TMEM132E: variants seen among roughly 807,000 people sequenced by gnomAD.
The protein encoded by TMEM132E is transmembrane protein 132E.
Under a neutral mutation model 78.5 loss-of-function variants are expected in TMEM132E, and 49 were observed. The observed-to-expected ratio is 0.62, with a 90% CI of 0.50 to 0.79. TMEM132E has a LOEUF of 0.79. TMEM132E is among the 30% of genes least tolerant of loss of function. The pLI, the probability that TMEM132E is intolerant of heterozygous loss-of-function variation, is 0.00. For missense variants in TMEM132E, 1,403 were observed against 1,470.9 expected, an observed-to-expected ratio of 0.95 and a Z score of 0.75; for synonymous variants, 715 against 670.6, an observed-to-expected ratio of 1.07 and a Z score of -1.02.
At chr17:34,598,515 G>A (rs1427903476) in intron 1 of TMEM132E, among the ~76,000 whole-genome samples, 1 of 151,940 alleles carries the variant, frequency 6.6e-6, no homozygotes, top group African/African-American at 2.4e-5. Flanking sequence ...AGAAATGCAG[G>A]CCCCAGGGAA....
intron 1 of TMEM132E, among the ~76,000 whole-genome samples, chr17:34,597,958 T>A (rs944929150): frequency 6.6e-6 from 1 of 152,204 alleles, no homozygotes; most frequent in Non-Finnish European, 1.5e-5. Flanking sequence ...TCAGTTTCCC[T>A]GTTTGAGATG....
In TMEM132E at chr17:34,637,977, C is replaced by T. The variant is rs766447365; in HGVS notation, c.2970C>T (p.Ser990=). ...QSQVHGRGDG[S]SGGSARDQAE... is the part of the protein sequence containing the mutation. ...AGGTGCACGGCAGGGGCGACGGCTC[C>T]TCGGGCGGCTCAGCCCGAGACCAAG... The change falls in exon 9 of 9, where the codon TCC becomes TCT. Residue 990 remains serine, a synonymous_variant. Transcript: ENST00000631683. 52 of 1,592,584 alleles carry T rather than the reference C, an allele frequency of 3.3e-5. No individual in the cohort carries two copies. Among genetic ancestry groups the T allele is most frequent in the South Asian group, 2.2e-5 (2 of 89,040 alleles).
intron 1 of TMEM132E, among the ~76,000 whole-genome samples, chr17:34,600,795 G>C (rs1277648317): frequency 6.6e-6 from 1 of 152,152 alleles, no homozygotes; most frequent in Non-Finnish European, 1.5e-5. Flanking sequence ...AGGTGTGCAA[G>C]AGCAACCCCA....
intron 1 of TMEM132E, among the ~76,000 whole-genome samples, chr17:34,613,211 A>ATGCGCGCGCGCG (rs1555563344): frequency 8.6e-6 from 1 of 115,856 alleles, no homozygotes; most frequent in Non-Finnish European, 1.8e-5. Flanking sequence ...ACACACACAC[A>ATGCGCGCGCGCG]CGCGCGCGCG....
At position 34,583,777 on chromosome 17, in the gene TMEM132E, G is replaced by A. The variant is rs542486045; in HGVS notation, c.67+2634G>A. The stretch of plus-strand genomic sequence containing the variant: ...TCACATTCCCCATCTTCCACAGGCA[G>A]CGTGGTCTCTGGCCTTTCTTTCCCC... On this transcript the variant is annotated intron_variant, in intron 1 of 8. Coordinates refer to ENST00000631683, the MANE Select transcript of TMEM132E (RefSeq NM_001304438.2). Among the ~76,000 whole-genome samples the A allele has an allele frequency of 2.2e-3, 329 of 152,350 alleles. 2 individuals are homozygous for A. Among genetic ancestry groups the A allele is most frequent in the African/African-American group, 7.5e-3 (310 of 41,568 alleles).
At chr17:34,635,807 A>C (rs944939604) in intron 7 of TMEM132E, 200 bp from the exon 8 acceptor site, 1 of 426,522 alleles carries the variant, frequency 2.3e-6, no homozygotes, top group African/African-American at 2.0e-5. Flanking sequence ...GGCTCCTGTG[A>C]GCCCCCGACC....
At chr17:34,626,067 TG>T in intron 1 of TMEM132E, 59 bp from the exon 2 acceptor site, 1 of 1,408,248 alleles carries the variant, frequency 7.1e-7, no homozygotes, top group Non-Finnish European at 9.4e-7. Context: ...GGGGGCACCC[TG>T]GGGTCCCAGC....
In TMEM132E at chr17:34,636,132, C is replaced by T. The variant is rs763270663; in HGVS notation, c.2103C>T (p.Ser701=). Residue 701 remains serine, a synonymous_variant, in exon 8 of 9, where the codon AGC becomes AGT. Coordinates refer to ENST00000631683, the MANE Select transcript of TMEM132E (RefSeq NM_001304438.2). ...GCCTGGCCCTCTCCCTGCGGCCCAG[C>T]CCTGGGAGCAGCCACACCATCCTAG... The part of the protein sequence containing the change: ...VASLALSLRP[S]PGSSHTILAT... 4.4e-6 allele frequency: 7 copies of T among 1,590,084 alleles called. No homozygotes were observed. Among genetic ancestry groups the T allele is most frequent in the Non-Finnish European group, 5.1e-6 (6 of 1,169,290 alleles).
In TMEM132E at chr17:34,637,816, T is replaced by C; in HGVS notation, c.2809T>C (p.Phe937Leu). The C allele has an allele frequency of 6.2e-7, 1 of 1,611,958 alleles. No individual in the cohort carries two copies. The highest frequency in any genetic ancestry group is 8.5e-7 in the Non-Finnish European group (1 of 1,179,202). The change falls in exon 9 of 9, where the codon TTC (phenylalanine) becomes CTC (leucine). Residue 937 changes from phenylalanine to leucine, a missense_variant. Coordinates refer to ENST00000631683, the MANE Select transcript of TMEM132E (RefSeq NM_001304438.2). ...CATGGACCACTCTCACCACTGGGTGTTCCTGGGCAACGGGCAGCCGCTGCG... is the reference window on the plus strand; with the variant it reads ...CATGGACCACTCTCACCACTGGGTGCTCCTGGGCAACGGGCAGCCGCTGCG... Reference protein sequence around the residue: ...TSMDHSHHWVFLGNGQPLRVQ... With the variant: ...TSMDHSHHWVLLGNGQPLRVQ...
intron 2 of TMEM132E, 47 bp downstream of exon 2, chr17:34,627,104 A>T: frequency 2.2e-6 from 2 of 911,352 alleles, no homozygotes; most frequent in Non-Finnish European, 3.3e-6. Context: ...CCAAGATCAA[A>T]TGCATACCTG....
intron 1 of TMEM132E, among the ~76,000 whole-genome samples, chr17:34,605,570 G>A (rs369634350): frequency 6.6e-6 from 1 of 152,286 alleles, no homozygotes; most frequent in East Asian, 1.9e-4. Context: ...TACAGGCGGA[G>A]GAAGGGCTGA....
At chr17:34,590,617 A>G (rs770153404) in intron 1 of TMEM132E, among the ~76,000 whole-genome samples, 1 of 152,088 alleles carries the variant, frequency 6.6e-6, no homozygotes, top group African/African-American at 2.4e-5. Flanking sequence ...AACACAGGGC[A>G]AAAATGGTCA....
chr17:34,637,250 A>G lies in TMEM132E; in HGVS notation c.2243A>G (p.Asp748Gly), dbSNP rs777536709. The change falls in exon 9 of 9, where the codon GAC (aspartate) becomes GGC (glycine). Residue 748 changes from aspartate to glycine, a missense_variant. Asp to Gly is a moderately conservative substitution (Grantham distance 94). Coordinates refer to ENST00000631683, the MANE Select transcript of TMEM132E (RefSeq NM_001304438.2). Reference protein sequence around the residue: ...TAPLSLYSPRDYGLLVSSLDE... With the variant: ...TAPLSLYSPRGYGLLVSSLDE... ...CCACTCTCCCTCTACAGCCCACGAG[A>G]CTATGGACTGCTAGTGAGCAGCCTG... 17 of 1,613,874 alleles carry G rather than the reference A, an allele frequency of 1.1e-5. No homozygotes were observed. The Admixed American group carries it at 2.8e-4, about 27-fold the overall frequency.
At chr17:34,600,555 G>A (rs910138544) in intron 1 of TMEM132E, among the ~76,000 whole-genome samples, 2 of 151,970 alleles carry the variant, frequency 1.3e-5, no homozygotes, top group African/African-American at 4.8e-5. Context: ...GGGGCACCTG[G>A]ATTGATATTC....
At position 34,628,368 on chromosome 17, in the gene TMEM132E, G is replaced by GGGTC. The variant is rs535799461; in HGVS notation, c.999-194_999-191dup. 7.9e-5 allele frequency among the ~76,000 whole-genome samples: 12 copies of GGGTC among 152,340 alleles called. No homozygotes were observed. In the South Asian group the frequency reaches 2.5e-3, roughly 32 times the overall value. On this transcript the variant is annotated intron_variant, in intron 2 of 8. Coordinates refer to ENST00000631683, the MANE Select transcript of TMEM132E (RefSeq NM_001304438.2). ...TAGAAGGGATTGCAGCTTTCACCGA[G>GGGTC]GGTCAGAGTTTTCAGCTGTGTGATA... is the stretch of plus-strand genomic sequence containing the variant.
intron 1 of TMEM132E, among the ~76,000 whole-genome samples, chr17:34,587,955 C>T (rs1169015448): frequency 2.0e-5 from 3 of 152,184 alleles, no homozygotes; most frequent in Non-Finnish European, 2.9e-5. Flanking sequence ...TGCCATACCT[C>T]TCTGTCTCCT....
intron 1 of TMEM132E, among the ~76,000 whole-genome samples, chr17:34,582,516 G>C (rs1018342393): frequency 2.0e-4 from 1 of 4,964 alleles, no homozygotes; most frequent in Non-Finnish European, 5.5e-4. Flanking sequence ...GTAACACCAG[G>C]GGGGGTTGTT....
At position 34,630,127 on chromosome 17, in the gene TMEM132E, G is replaced by C; in HGVS notation, c.1458G>C (p.Glu486Asp). 6.2e-7 allele frequency: 1 copy of C among 1,613,078 alleles called. No individual in the cohort carries two copies. The highest frequency in any genetic ancestry group is 8.5e-7 in the Non-Finnish European group (1 of 1,179,190). Residue 486 changes from glutamate (E) to aspartate (D), a missense_variant, in exon 5 of 9, where the codon GAG (glutamate) becomes GAC (aspartate). By Grantham distance (45) the Glu-to-Asp change is conservative. Around this residue, in one of 3 missense-constraint regions of TMEM132E, gnomAD observed 888 missense variants for 952.8 expected, o/e 0.93. Coordinates refer to ENST00000631683, the MANE Select transcript of TMEM132E (RefSeq NM_001304438.2). ...ACATCTCCGCCCTAGTGGAATGCGA[G>C]TCTGACAATGAAGACATCATCAAGG... is the stretch of plus-strand genomic sequence containing the variant. The part of the protein sequence containing the change: ...VLDISALVEC[E>D]SDNEDIIKVS...
At chr17:34,603,109 T>G (rs1015180501) in intron 1 of TMEM132E, among the ~76,000 whole-genome samples, 3 of 152,094 alleles carry the variant, frequency 2.0e-5, no homozygotes, top group Non-Finnish European at 2.9e-5. Flanking sequence ...ATTAAGTCCT[T>G]TTCGTGGCTG....
Sources: gnomAD v4.1 joint callset for allele counts (sites outside exome capture counted in the v4.1 genomes callset) on GRCh38, gnomAD v4.1.1 for gene constraint, gnomAD v4.1.1 regional missense constraint, MANE v1.5 for transcripts, NCBI Gene and HGNC (gene_info 2026-07-23, HGNC 2026-07-21) for gene names.